Variants in WWOX observed in about 807,000 individuals in gnomAD.
WWOX encodes WW domain-containing oxidoreductase.
WWOX carries 69 observed loss-of-function variants against 46.2 expected under a neutral mutation model. The ratio of observed to expected loss-of-function variants is 1.49; its 90% CI spans 1.23 to 1.82. WWOX has a LOEUF of 1.82. Ranked by LOEUF, WWOX falls within the 40% of genes most tolerant of loss-of-function variation. The pLI is 0.00. For missense variants in WWOX, 919 were observed against 542.6 expected (o/e 1.69, Z -6.89); for synonymous variants, 359 against 202.6 (o/e 1.77, Z -6.56).
Position 78,555,370 on chromosome 16 carries a change from G to T in WWOX, c.1056+122618G>T, listed in dbSNP as rs144994372. Among the ~76,000 whole-genome samples the T allele has an allele frequency of 2.4e-3, 358 of 152,216 alleles. 1 individual carries two copies. The highest frequency in any genetic ancestry group is 0.017 in the East Asian group (87 of 5,166). On this transcript the variant is annotated intron_variant, in intron 8 of 8. Transcript: ENST00000566780. Reference sequence around the variant, plus strand: ...TCCTTAATATTGTACATTTGGCACAGTTATTGTTGAATACTTGGAAGGCGA... The same window carrying T: ...TCCTTAATATTGTACATTTGGCACATTTATTGTTGAATACTTGGAAGGCGA...
intron 5 of WWOX, among the ~76,000 whole-genome samples, chr16:78,220,249 T>C (rs2036845364): frequency 6.6e-6 from 1 of 152,174 alleles, no homozygotes; most frequent in African/African-American, 2.4e-5. Context: ...TTTTACATGG[T>C]TTAAAGGCCA....
rs138831867 is a variant in WWOX at position 78,843,168 on chromosome 16, G to A, written c.1057-368440G>A. On this transcript the variant is annotated intron_variant, in intron 8 of 8. Transcript: ENST00000566780. ...GGAGTGTGTTACTTTATTACTGTCA[G>A]CCACTGTCCTAGGAGAGGAAAATTC... 3.1e-3 allele frequency among the ~76,000 whole-genome samples: 469 copies of A among 150,088 alleles called. 9 individuals carry two copies. The highest frequency in any genetic ancestry group is 0.011 in the African/African-American group (449 of 41,356).
At chr16:78,605,479 C>G (rs182384861) in intron 8 of WWOX, among the ~76,000 whole-genome samples, 1 of 150,106 alleles carries the variant, frequency 6.7e-6, no homozygotes, top group East Asian at 2.0e-4. Context: ...TTTTTTTTTT[C>G]TTTCCCTTGG....
At chr16:78,131,825 C>T (rs993523119) in intron 4 of WWOX, among the ~76,000 whole-genome samples, 33 of 151,416 alleles carry the variant, frequency 2.2e-4, no homozygotes, top group African/African-American at 7.8e-4. Context: ...ACCTCGTGAT[C>T]CTCCTACGTC....
intron 8 of WWOX, among the ~76,000 whole-genome samples, chr16:78,853,266 G>T (rs954895388): frequency 6.6e-6 from 1 of 152,020 alleles, no homozygotes; most frequent in African/African-American, 2.4e-5. Flanking sequence ...TGTCATCCAG[G>T]CTGGAGTGCA....
chr16:78,797,889 G>A (rs924176544), intron 8 of WWOX, among the ~76,000 whole-genome samples: 2 of 152,210 alleles, frequency 1.3e-5, no homozygotes, highest in African/African-American at 4.8e-5. Flanking sequence ...TCAAGAGGCT[G>A]ACATGGGAGG....
At chr16:78,592,396 G>A (rs954588814) in intron 8 of WWOX, among the ~76,000 whole-genome samples, 2 of 152,160 alleles carry the variant, frequency 1.3e-5, no homozygotes, top group Admixed American at 1.3e-4. Flanking sequence ...AGAAGTTCCT[G>A]TATTAAATTA....
intron 6 of WWOX, among the ~76,000 whole-genome samples, chr16:78,387,537 G>C (rs1375713770): frequency 6.6e-6 from 1 of 152,036 alleles, no homozygotes; most frequent in Non-Finnish European, 1.5e-5. Flanking sequence ...TCATATGCTA[G>C]CATCCCTTTC....
At position 78,144,500 on chromosome 16, in the gene WWOX, C is replaced by CATAT. The variant is rs1206539263; in HGVS notation, c.410-19662_410-19659dup. Among the ~76,000 whole-genome samples, 10 of 21,880 alleles carry CATAT rather than the reference C, an allele frequency of 4.6e-4. 1 individual carries two copies. Among genetic ancestry groups the CATAT allele is most frequent in the Non-Finnish European group, 7.5e-4 (9 of 12,076 alleles). The allele number at this position is 21,880 out of a possible 152,430, so 14.4% of individuals were successfully genotyped here. A position where few individuals can be genotyped will look rare whatever the true frequency, so the allele number is the denominator to read the frequency against. ...ATATATATATATACACACACACACA[C>CATAT]ATATATATATATATATATATATATT... is the stretch of plus-strand genomic sequence containing the variant. On this transcript the variant is annotated intron_variant, in intron 4 of 8. Transcript: ENST00000566780.
intron 5 of WWOX, among the ~76,000 whole-genome samples, chr16:78,326,451 G>A (rs146434933): frequency 1.6e-4 from 25 of 151,812 alleles, no homozygotes; most frequent in African/African-American, 2.2e-4. Context: ...CGTTGTTATC[G>A]CGCAAAGGAA....
chr16:78,387,807 A>G (rs2082092004), intron 6 of WWOX, among the ~76,000 whole-genome samples: 1 of 152,132 alleles, frequency 6.6e-6, no homozygotes, highest in Non-Finnish European at 1.5e-5. Flanking sequence ...CTTGATTCAA[A>G]CATGAGGATT....
At chr16:78,817,155 T>G (rs72801060) in intron 8 of WWOX, among the ~76,000 whole-genome samples, 12,694 of 142,116 alleles carry the variant, frequency 0.089, 553 homozygotes, top group South Asian at 0.15. Flanking sequence ...CAGTTTTTCT[T>G]AAACATTAGT....
chr16:78,740,204 T>A (rs570944213), intron 8 of WWOX, among the ~76,000 whole-genome samples: 1 of 152,284 alleles, frequency 6.6e-6, no homozygotes, highest in African/African-American at 2.4e-5. Flanking sequence ...CAGCCTGAAG[T>A]TGAAGAAATG....
chr16:78,993,153 T>C (rs2046921309), intron 8 of WWOX, among the ~76,000 whole-genome samples: 1 of 152,070 alleles, frequency 6.6e-6, no homozygotes, highest in Non-Finnish European at 1.5e-5. Context: ...ATATGTCTGA[T>C]AATTGCAGAG....
chr16:78,921,866 T>A (rs2045387315), intron 8 of WWOX, among the ~76,000 whole-genome samples: 1 of 152,320 alleles, frequency 6.6e-6, no homozygotes, highest in South Asian at 2.1e-4. Context: ...CTAGAAGGAC[T>A]TGTGGCACTT....
rs184272163 is a variant in WWOX at position 78,342,097 on chromosome 16, C to T, written c.517-44763C>T. Among the ~76,000 whole-genome samples, 12 of 121,100 alleles carry T rather than the reference C, an allele frequency of 9.9e-5. 3 individuals are homozygous for T. Among genetic ancestry groups the T allele is most frequent in the African/African-American group, 3.4e-4 (12 of 35,818 alleles). The allele number at this position is 121,100 out of a possible 152,430, so 79.4% of individuals were successfully genotyped here. On this transcript the variant is annotated intron_variant, in intron 5 of 8. Coordinates refer to ENST00000566780, the MANE Select transcript of WWOX (RefSeq NM_016373.4). ...TGCCACTGCACTCTAATTTAGGCAGCAGAATGAGACTATGTCTCAAGAAAA... is the reference window on the plus strand; with the variant it reads ...TGCCACTGCACTCTAATTTAGGCAGTAGAATGAGACTATGTCTCAAGAAAA...
At chr16:78,736,922 A>G (rs1046843854) in intron 8 of WWOX, among the ~76,000 whole-genome samples, 34 of 151,924 alleles carry the variant, frequency 2.2e-4, no homozygotes, top group African/African-American at 7.5e-4. Flanking sequence ...AATGGTTTTC[A>G]TATAGCTATT....
intron 8 of WWOX, among the ~76,000 whole-genome samples, chr16:79,048,357 G>A (rs1016524820): frequency 6.6e-6 from 1 of 151,900 alleles, no homozygotes; most frequent in Non-Finnish European, 1.5e-5. Context: ...CACCTGGACT[G>A]CCACTCTACC....
chr16:78,751,797 A>T (rs116697008), intron 8 of WWOX, among the ~76,000 whole-genome samples: 3 of 151,628 alleles, frequency 2.0e-5, no homozygotes, highest in Non-Finnish European at 4.4e-5. Context: ...AAAGAGAGAG[A>T]GAGAAAAGGA....
Sources: allele counts gnomAD v4.1 joint callset (sites outside exome capture counted in the v4.1 genomes callset), GRCh38; gene constraint gnomAD v4.1.1; transcripts MANE v1.5; gene names NCBI Gene and HGNC (gene_info 2026-07-23, HGNC 2026-07-21).